CHID1: variants seen among roughly 807,000 people sequenced by gnomAD.
CHID1 encodes chitinase domain containing 1, also known as chitinase domain-containing protein 1.
In CHID1, 44 loss-of-function variants were observed where a neutral mutation model predicts 55.4. The observed-to-expected ratio is 0.79, with a 90% CI of 0.62 to 1.02. The LOEUF (loss-of-function observed/expected upper bound fraction) is 1.02, where lower values mean the gene tolerates loss of function less well. Ranked by LOEUF, CHID1 falls within the 50% of genes least tolerant of loss-of-function variation. CHID1 has a pLI of 0.00. For missense variants in CHID1, 491 were observed against 515.3 expected (o/e 0.95, Z 0.46); for synonymous variants, 216 against 212.9 (o/e 1.01, Z -0.13).
chr11:899,307 G>T, intron 7 of CHID1, 33 bp downstream of exon 7: 1 of 1,576,662 alleles, frequency 6.3e-7, no homozygotes, highest in Non-Finnish European at 8.6e-7. Context: ...GGGCCAGGAG[G>T]AGGGCCACCC....
intron 8 of CHID1, among the ~76,000 whole-genome samples, chr11:887,636 C>T (rs768013414): frequency 2.4e-4 from 37 of 152,328 alleles, no homozygotes; most frequent in Admixed American, 3.3e-4. Context: ...CCCTGTCAGC[C>T]GCAGCTTCTA....
Sources: allele counts gnomAD v4.1 joint callset (sites outside exome capture counted in the v4.1 genomes callset), GRCh38; gene constraint gnomAD v4.1.1; transcripts MANE v1.5; gene names NCBI Gene and HGNC (gene_info 2026-07-23, HGNC 2026-07-21).